Variants in ALPL observed in about 807,000 individuals in gnomAD.
ALPL encodes alkaline phosphatase, tissue-nonspecific isozyme.
A neutral mutation model predicts 51.3 loss-of-function variants in ALPL; 42 were observed. The ratio of observed to expected loss-of-function variants is 0.82; its 90% CI spans 0.64 to 1.06. ALPL has a LOEUF of 1.06. ALPL is among the 50% of genes least tolerant of loss of function. The pLI is 0.00. For missense variants in ALPL, 589 were observed against 709.4 expected (o/e 0.83, Z 1.93); for synonymous variants, 279 against 296.4 (o/e 0.94, Z 0.60).
intron 9 of ALPL, 112 bp from the exon 10 acceptor site, chr1:21,575,621 T>G (rs751900935): frequency 5.7e-5 from 77 of 1,341,600 alleles, no homozygotes; most frequent in Non-Finnish European, 7.8e-5. Context: ...CCGGCGAAGG[T>G]TCCTGTCCTT....
rs550133202 is a variant in ALPL, at chr1:21,554,209, C to G, written c.61+67C>G. 2.4e-5 allele frequency: 36 copies of G among 1,507,840 alleles called. No homozygotes were observed. The East Asian group carries it at 7.9e-4, about 33-fold the overall frequency. The allele number at this position is 1,507,840 out of a possible 1,614,324, so 93.4% of individuals were successfully genotyped here. A position where few individuals can be genotyped will look rare whatever the true frequency, so the allele number is the denominator to read the frequency against. On this transcript the variant is annotated intron_variant, in intron 2 of 11. Transcript: ENST00000374840. ...AGATGGGGTATGATGAGGGCAGTGT[C>G]TATGTTTTAAGGTCCCAGAACCATC...
rs1643648230 is a variant in ALPL at position 21,509,894 on chromosome 1, C to T, written c.-105+377C>T. 6.6e-6 allele frequency among the ~76,000 whole-genome samples: 1 copy of T among 152,338 alleles called. No homozygotes were observed. Among genetic ancestry groups the T allele is most frequent in the African/African-American group, 2.4e-5 (1 of 41,586 alleles). On this transcript the variant is annotated intron_variant, in intron 1 of 11. Transcript: ENST00000374840. This position sits in a 1 kb window ranked among gnomAD's most constrained non-coding sequence, Gnocchi z 6.0. ...CCCTTGGTGCCCCGTGACTGAGCCC[C>T]TCCTGGTGCCTCCTTAGCCGTAGCT...
At chr1:21,535,794 C>A (rs1052413512) in intron 1 of ALPL, among the ~76,000 whole-genome samples, 4 of 152,148 alleles carry the variant, frequency 2.6e-5, no homozygotes, top group African/African-American at 9.7e-5. Context: ...TAGCCTCAGC[C>A]CACTCCACTC....
At chr1:21,513,246 C>T (rs1239352866) in intron 1 of ALPL, among the ~76,000 whole-genome samples, 1 of 152,100 alleles carries the variant, frequency 6.6e-6, no homozygotes, top group Non-Finnish European at 1.5e-5. Flanking sequence ...TGCCCAGGGT[C>T]ACACAATTGC....
rs142816040 is a variant in ALPL, at chr1:21,525,579, C to T, written c.-105+16062C>T. On this transcript the variant is annotated intron_variant, in intron 1 of 11. Transcript: ENST00000374840. The stretch of plus-strand genomic sequence containing the variant: ...GGAAGCCAGTCAAGAAGGGGAAAGA[C>T]GGGTGCGGGAGGACATTCACTGATT... Among the ~76,000 whole-genome samples the T allele has an allele frequency of 5.3e-3, 815 of 152,338 alleles. 4 individuals carry two copies. Among genetic ancestry groups the T allele is most frequent in the Admixed American group, 8.0e-3 (122 of 15,302 alleles).
chr1:21,554,043 C>T lies in ALPL; in HGVS notation c.-39C>T, dbSNP rs1644366205. 4 of 878,712 alleles carry T rather than the reference C, an allele frequency of 4.6e-6. No homozygotes were observed. Among genetic ancestry groups the T allele is most frequent in the South Asian group, 1.3e-5 (1 of 77,570 alleles). 54.4% of individuals were successfully genotyped at this position (878,712 alleles called of 1,614,324 possible). ...CCCCTCCCACCCACGTCGATTGCAT[C>T]TCTGGGCTCCAGGGATAAAGCAGGT... is the stretch of plus-strand genomic sequence containing the variant. On this transcript the variant is annotated 5_prime_UTR_variant, in exon 2 of 12. Transcript: ENST00000374840.
At position 21,564,121 on chromosome 1, in the gene ALPL, G is replaced by A; in HGVS notation, c.553G>A (p.Asp185Asn). The A allele has an allele frequency of 1.2e-6, 2 of 1,614,094 alleles. No individual in the cohort carries two copies. Among genetic ancestry groups the A allele is most frequent in the Non-Finnish European group, 1.7e-6 (2 of 1,180,014 alleles). ...SAAYAHSADR[D>N]WYSDNEMPPE... Reference sequence around the variant, plus strand: ...CGCCTACGCCCACTCGGCTGACCGGGACTGGTACTCAGACAACGAGATGCC... The same window carrying A: ...CGCCTACGCCCACTCGGCTGACCGGAACTGGTACTCAGACAACGAGATGCC... The change falls in exon 6 of 12, where the codon GAC becomes AAC. Residue 185 changes from aspartate (D) to asparagine (N), a missense_variant. Physicochemically the swap from Asp to Asn is conservative, Grantham distance 23 (BLOSUM62 1). Transcript: ENST00000374840. The surrounding 1 kb of genome is among the most constrained non-coding windows in gnomAD (Gnocchi z 5.8).
intron 8 of ALPL, among the ~76,000 whole-genome samples, chr1:21,571,564 C>CA (rs1298376009): frequency 6.6e-6 from 1 of 152,070 alleles, no homozygotes; most frequent in African/African-American, 2.4e-5. Context: ...CCCAGCTACT[C>CA]AGGAGGCTGA....
Position 21,573,607 on chromosome 1 carries a change from GTCC to G in ALPL, c.863-53_863-51del, listed in dbSNP as rs999794986. 8 of 1,603,996 alleles carry G rather than the reference GTCC, an allele frequency of 5.0e-6. No homozygotes were observed. The African/African-American group carries it at 9.4e-5, about 19-fold the overall frequency. ...CCTGAGACACCCCAGCTTCCTTGGA[GTCC>G]TCCTAGCCGGGTCACAGCCTCTCAG... On this transcript the variant is annotated intron_variant, in intron 8 of 11. Coordinates refer to ENST00000374840, the MANE Select transcript of ALPL (RefSeq NM_000478.6).
chr1:21,562,724 C>T (rs1227790111), intron 4 of ALPL, among the ~76,000 whole-genome samples: 1 of 151,802 alleles, frequency 6.6e-6, no homozygotes, highest in African/African-American at 2.4e-5. Context: ...TCCCCAGACC[C>T]CCCACTCCTT....
At chr1:21,560,986 C>A in intron 3 of ALPL, 111 bp from the exon 4 acceptor site, 1 of 1,098,734 alleles carries the variant, frequency 9.1e-7, no homozygotes, top group Non-Finnish European at 1.4e-6. Context: ...ATGCCCAGTG[C>A]CAACTGCCCG....
At position 21,560,775 on chromosome 1, in the gene ALPL, G is replaced by C. The variant is rs758677658; in HGVS notation, c.181+30G>C. 8 of 1,613,734 alleles carry C rather than the reference G, an allele frequency of 5.0e-6. No homozygotes were observed. In the East Asian group the frequency reaches 1.3e-4, roughly 27 times the overall value. ...GGCCCAGGGGCCTGTGGGAGGGGTGGAACAGGACACCTAGCTAGGAGCCCC... is the reference window on the plus strand; with the variant it reads ...GGCCCAGGGGCCTGTGGGAGGGGTGCAACAGGACACCTAGCTAGGAGCCCC... On this transcript the variant is annotated intron_variant, in intron 3 of 11. Transcript: ENST00000374840.
In ALPL at chr1:21,573,800, G is replaced by A; in HGVS notation, c.997+1G>A. ...AAAGGCTTCTTCTTGCTGGTGGAAG[G>A]TAGGGACCCCGGGTCTGCTGAGAGG... On this transcript the variant is annotated splice_donor_variant, in intron 9 of 11. Transcript: ENST00000374840. LOFTEE classifies it high-confidence loss of function. 6.2e-7 allele frequency: 1 copy of A among 1,614,190 alleles called. No individual in the cohort carries two copies. Among genetic ancestry groups the A allele is most frequent in the Non-Finnish European group, 8.5e-7 (1 of 1,180,028 alleles).
chr1:21,529,069 CA>C (rs58835667), intron 1 of ALPL, among the ~76,000 whole-genome samples: 29,075 of 119,200 alleles, frequency 0.24, 3,147 homozygotes, highest in East Asian at 0.51. Context: ...GACTCCATCT[CA>C]AAAAAAAAAA....
chr1:21,567,993 A>G, intron 6 of ALPL, 111 bp from the exon 7 acceptor site: 2 of 1,465,322 alleles, frequency 1.4e-6, no homozygotes, highest in East Asian at 2.3e-5. Flanking sequence ...AGGCTGGGAA[A>G]GTGTCCACAC....
At chr1:21,549,446 G>A (rs1288868027) in intron 1 of ALPL, among the ~76,000 whole-genome samples, 4 of 151,442 alleles carry the variant, frequency 2.6e-5, no homozygotes, top group Admixed American at 2.0e-4. Flanking sequence ...CACCCCAAAC[G>A]CCGAAAGGCT....
intron 7 of ALPL, 123 bp from the exon 8 acceptor site, chr1:21,570,182 A>G: frequency 1.1e-6 from 1 of 949,720 alleles, no homozygotes; most frequent in Admixed American, 2.0e-5. Flanking sequence ...GTGGGTCCTC[A>G]GGGAGAGATT....
chr1:21,538,321 C>A (rs1197105263), intron 1 of ALPL, among the ~76,000 whole-genome samples: 1 of 152,174 alleles, frequency 6.6e-6, no homozygotes, highest in Non-Finnish European at 1.5e-5. Context: ...CTACTATGTC[C>A]CAAGGTCGCC....
chr1:21,543,829 C>T (rs768902049), intron 1 of ALPL, among the ~76,000 whole-genome samples: 2 of 152,206 alleles, frequency 1.3e-5, no homozygotes, highest in African/African-American at 2.4e-5. Flanking sequence ...TGAGTCCTGC[C>T]AGGTACAAGC....
Sources: gnomAD v4.1 joint callset for allele counts (sites outside exome capture counted in the v4.1 genomes callset) on GRCh38, gnomAD v4.1.1 for gene constraint, Gnocchi (gnomAD v3.1) non-coding constraint, MANE v1.5 for transcripts, NCBI Gene and HGNC (gene_info 2026-07-23, HGNC 2026-07-21) for gene names.